Variants in XKR9 observed in about 807,000 individuals in gnomAD.
The protein encoded by XKR9 is XK related 9, also known as XK-related protein 9.
Under a neutral mutation model 32.0 loss-of-function variants are expected in XKR9, and 32 were observed. The observed-to-expected ratio is 1.00, with a 90% CI of 0.76 to 1.34. The LOEUF is 1.34. Among genes scored for constraint, XKR9 ranks in the 40% most tolerant of loss-of-function variants. XKR9 has a pLI of 0.00. For missense variants in XKR9, 546 were observed against 429.7 expected, an observed-to-expected ratio of 1.27 and a Z score of -2.39; for synonymous variants, 168 against 143.4, an observed-to-expected ratio of 1.17 and a Z score of -1.22.
chr8:70,669,445 T>G lies in XKR9; in HGVS notation c.-454T>G, dbSNP rs1818618690. On this transcript the variant is annotated 5_prime_UTR_variant, in exon 1 of 5. Transcript: ENST00000408926. ...TGGAATCTGCCTCTGTCACGGGGGC[T>G]GGTGCCTCACGGGTTTGTGTCCTAG... is the stretch of plus-strand genomic sequence containing the variant. 3.0e-6 allele frequency: 1 copy of G among 331,334 alleles called. No individual in the cohort carries two copies. Among genetic ancestry groups the G allele is most frequent in the South Asian group, 3.3e-5 (1 of 30,762 alleles). The allele number at this position is 331,334 out of a possible 1,614,324, so 20.5% of individuals were successfully genotyped here.
At chr8:70,809,514 C>G in the XKR9 span, among the ~76,000 whole-genome samples, 2 of 152,080 alleles carry the variant, frequency 1.3e-5, no homozygotes, top group South Asian at 4.1e-4. Flanking sequence ...GGAGGAAGTT[C>G]GAGCCCATGG....
chr8:70,796,698 C>T, the XKR9 span, among the ~76,000 whole-genome samples: 2 of 152,090 alleles, frequency 1.3e-5, no homozygotes, highest in African/African-American at 4.8e-5. Flanking sequence ...AAAGAAATGT[C>T]AATAGAATAC....
chr8:70,722,386 T>C (rs1010722882), intron 4 of XKR9, among the ~76,000 whole-genome samples: 1 of 152,220 alleles, frequency 6.6e-6, no homozygotes, highest in Non-Finnish European at 1.5e-5. Context: ...AGTTTCTTCA[T>C]AGTGTCATAG....
chr8:70,754,915 G>A (rs1367775356), intron 2 of XKR9, among the ~76,000 whole-genome samples: 1 of 152,086 alleles, frequency 6.6e-6, no homozygotes, highest in Non-Finnish European at 1.5e-5. Context: ...TGACAATTGG[G>A]ATCTAATTAA....
At chr8:70,706,792 C>CA (rs1482686720) in intron 3 of XKR9, 141 bp from the exon 4 acceptor site, 7 of 685,872 alleles carry the variant, frequency 1.0e-5, no homozygotes, top group Non-Finnish European at 1.7e-5. Context: ...GAGATGTTCA[C>CA]AAAAAATCTG....
the XKR9 span, among the ~76,000 whole-genome samples, chr8:70,975,878 G>A: frequency 6.6e-6 from 1 of 152,146 alleles, no homozygotes; most frequent in Non-Finnish European, 1.5e-5. Flanking sequence ...CCATGAGCAT[G>A]GAATGTTCTT....
chr8:71,051,516 T>C, the XKR9 span, among the ~76,000 whole-genome samples: 1 of 99,990 alleles, frequency 1.0e-5, no homozygotes, highest in African/African-American at 4.4e-5. Flanking sequence ...CTGGTGGCGG[T>C]GGTGGTGGTG....
the XKR9 span, among the ~76,000 whole-genome samples, chr8:70,815,856 G>T: frequency 6.6e-6 from 1 of 152,020 alleles, no homozygotes; most frequent in Non-Finnish European, 1.5e-5. Flanking sequence ...TTATTCTGTG[G>T]TATATGCGCA....
At chr8:70,673,174 CT>C (rs1322870331) in intron 1 of XKR9, among the ~76,000 whole-genome samples, 2 of 152,126 alleles carry the variant, frequency 1.3e-5, no homozygotes, top group African/African-American at 4.8e-5. Flanking sequence ...ATATTTTCTT[CT>C]AGTAGTTTTA....
intron 2 of XKR9, among the ~76,000 whole-genome samples, chr8:70,741,479 G>A (rs1806981291): frequency 1.3e-5 from 2 of 152,194 alleles, no homozygotes; most frequent in Non-Finnish European, 1.5e-5. Context: ...ACACATGTAA[G>A]TGTATTCATA....
intron 2 of XKR9, among the ~76,000 whole-genome samples, chr8:70,741,852 A>G (rs6472542): frequency 0.4 from 61,267 of 151,922 alleles, 13,879 homozygotes; most frequent in Non-Finnish European, 0.52. Context: ...TATGGTGGTT[A>G]TTTTGAGGAA....
the XKR9 span, among the ~76,000 whole-genome samples, chr8:70,914,170 TC>T: frequency 6.6e-6 from 1 of 152,206 alleles, no homozygotes; most frequent in Non-Finnish European, 1.5e-5. Context: ...GCTCAAGTGA[TC>T]CTTCTGCCTC....
At chr8:70,996,987 T>C in the XKR9 span, among the ~76,000 whole-genome samples, 63,663 of 152,062 alleles carry the variant, frequency 0.42, 14,443 homozygotes, top group Non-Finnish European at 0.52. Flanking sequence ...CATACTTTGG[T>C]ATGATTATCC....
the XKR9 span, among the ~76,000 whole-genome samples, chr8:70,909,248 G>A: frequency 1.4e-3 from 210 of 152,054 alleles, 1 homozygote; most frequent in South Asian, 1.0e-2. Flanking sequence ...TTGCCTCCTC[G>A]TGCTCTTGGT....
At chr8:71,037,017 C>T in the XKR9 span, among the ~76,000 whole-genome samples, 1 of 151,916 alleles carries the variant, frequency 6.6e-6, no homozygotes, top group Non-Finnish European at 1.5e-5. Context: ...CCTGGCCCTA[C>T]ACCTTTCTTT....
At chr8:70,953,526 G>T in the XKR9 span, among the ~76,000 whole-genome samples, 1 of 152,048 alleles carries the variant, frequency 6.6e-6, no homozygotes, top group African/African-American at 2.4e-5. Context: ...TGCCCAGGCT[G>T]GTCTTGAACT....
At chr8:70,729,720 A>G (rs1490574608) in intron 4 of XKR9, among the ~76,000 whole-genome samples, 3 of 152,212 alleles carry the variant, frequency 2.0e-5, no homozygotes. Context: ...ATAATTATTA[A>G]TGACATCATA....
At chr8:70,957,206 T>A in the XKR9 span, among the ~76,000 whole-genome samples, 1 of 152,168 alleles carries the variant, frequency 6.6e-6, no homozygotes, top group Non-Finnish European at 1.5e-5. Context: ...AGGAAAAAAA[T>A]ATTTTATTCT....
the XKR9 span, among the ~76,000 whole-genome samples, chr8:71,053,792 G>C: frequency 6.6e-6 from 1 of 152,194 alleles, no homozygotes; most frequent in Non-Finnish European, 1.5e-5. Flanking sequence ...TTGATTAGTG[G>C]AACACAGGGA....
Sources: gnomAD v4.1 joint callset for allele counts (sites outside exome capture counted in the v4.1 genomes callset) on GRCh38, gnomAD v4.1.1 for gene constraint, MANE v1.5 for transcripts, NCBI Gene and HGNC (gene_info 2026-07-23, HGNC 2026-07-21) for gene names.